Variants in DOP1A observed in about 807,000 individuals in gnomAD.
DOP1A encodes the protein DOP1 leucine zipper like protein A, also known as protein DOP1A.
In DOP1A, 90 loss-of-function variants were observed where a neutral mutation model predicts 267.6. That is an observed-to-expected ratio of 0.34 (90% CI 0.28 to 0.40). The LOEUF is 0.40. Ranked by LOEUF, DOP1A falls within the 10% of genes least tolerant of loss-of-function variation. DOP1A has a pLI of 1.00. For synonymous variants in DOP1A, 932 were observed against 999.1 expected (o/e 0.93, Z 1.27); for missense variants, 2,437 against 2,900.4 (o/e 0.84, Z 3.67).
chr6:83,100,569 G>T (rs1164847011), intron 3 of DOP1A, 136 bp from the exon 4 acceptor site: 3 of 483,964 alleles, frequency 6.2e-6, no homozygotes, highest in Non-Finnish European at 1.1e-5. Context: ...TTTAAATATG[G>T]TATATATAGG....
chr6:83,108,074 G>A (rs1259195936), intron 4 of DOP1A, among the ~76,000 whole-genome samples: 1 of 152,196 alleles, frequency 6.6e-6, no homozygotes, highest in African/African-American at 2.4e-5. Context: ...CTGCTTCTAG[G>A]TAGCTATCTG....
intron 1 of DOP1A, among the ~76,000 whole-genome samples, chr6:83,079,480 A>C (rs1767707391): frequency 6.6e-6 from 1 of 152,202 alleles, no homozygotes; most frequent in Non-Finnish European, 1.5e-5. Context: ...GGAAGTATAG[A>C]AAAATGTTTG....
intron 4 of DOP1A, among the ~76,000 whole-genome samples, chr6:83,105,429 A>AAGG (rs1773442340): frequency 7.1e-6 from 1 of 140,472 alleles, no homozygotes; most frequent in Non-Finnish European, 1.5e-5. Context: ...CAGTGGCACA[A>AAGG]TCTTGGCCCA....
chr6:83,134,024 T>C (rs651997), intron 18 of DOP1A, among the ~76,000 whole-genome samples, 163 bp from the exon 19 acceptor site: 34,273 of 152,052 alleles, frequency 0.23, 3,941 homozygotes, highest in Non-Finnish European at 0.24. Flanking sequence ...TTTCTGTGTT[T>C]CTACTGCCAT....
At position 83,096,959 on chromosome 6, in the gene DOP1A, A is replaced by G; in HGVS notation, c.-19A>G. ...TTACATGAGTTTGGAACTGGTCTCT[A>G]GTGGGAAGTTGTGGGAGGATGAACA... On this transcript the variant is annotated 5_prime_UTR_variant, in exon 3 of 39. An upstream open reading frame in the 5' UTR loses its in-frame stop. Coordinates refer to ENST00000349129, the MANE Select transcript of DOP1A (RefSeq NM_015018.4). 2 of 1,612,786 alleles carry G rather than the reference A, an allele frequency of 1.2e-6. No homozygotes were observed. The highest frequency in any genetic ancestry group is 1.7e-6 in the Non-Finnish European group (2 of 1,179,350).
chr6:83,168,962 A>T, downstream of DOP1A: 1 of 1,188,700 alleles, frequency 8.4e-7, no homozygotes, highest in Non-Finnish European at 1.0e-6. Context: ...CCCCACATAA[A>T]ACTGTACAGT....
intron 1 of DOP1A, among the ~76,000 whole-genome samples, chr6:83,086,455 G>A (rs1170313721): frequency 1.3e-5 from 2 of 152,134 alleles, no homozygotes; most frequent in African/African-American, 4.8e-5. Flanking sequence ...TCTTGGGTAG[G>A]TAGTAGAAGT....
At chr6:83,169,659 C>G (rs1177213853), downstream of DOP1A, 1 of 468,658 alleles carries the variant, frequency 2.1e-6, no homozygotes, top group South Asian at 1.6e-5. Context: ...TTGCCATCTC[C>G]TCATCCATCA....
intron 1 of DOP1A, among the ~76,000 whole-genome samples, chr6:83,074,307 A>C (rs1218309987): frequency 6.6e-6 from 1 of 151,840 alleles, no homozygotes; most frequent in Admixed American, 6.5e-5. Flanking sequence ...TTATTTATTT[A>C]TTGTTATTTA....
chr6:83,082,159 T>C (rs891257262), intron 1 of DOP1A, among the ~76,000 whole-genome samples: 1 of 152,092 alleles, frequency 6.6e-6, no homozygotes, highest in African/African-American at 2.4e-5. Context: ...GATTCTGTAA[T>C]CCCACTACTG....
At chr6:83,161,562 A>G (rs974258294) in intron 37 of DOP1A, among the ~76,000 whole-genome samples, 3 of 152,222 alleles carry the variant, frequency 2.0e-5, no homozygotes, top group South Asian at 4.1e-4. Flanking sequence ...AAATGAGCCA[A>G]TGAGCAAGAC....
chr6:83,084,757 ATTT>A (rs78069437), intron 1 of DOP1A, among the ~76,000 whole-genome samples: 2 of 131,494 alleles, frequency 1.5e-5, no homozygotes, highest in Non-Finnish European at 1.7e-5. Context: ...TAATTTTTGT[ATTT>A]TTTTTTTTTT....
intron 3 of DOP1A, among the ~76,000 whole-genome samples, chr6:83,098,543 C>T (rs1771927313): frequency 6.6e-6 from 1 of 152,170 alleles, no homozygotes; most frequent in South Asian, 2.1e-4. Context: ...TAAAGTTCCA[C>T]AATCCTTTCT....
At chr6:83,152,940 A>G (rs1782012890) in intron 30 of DOP1A, among the ~76,000 whole-genome samples, 1 of 152,242 alleles carries the variant, frequency 6.6e-6, no homozygotes, top group African/African-American at 2.4e-5. Flanking sequence ...GAGGTGATCT[A>G]AAGCCTGCCA....
chr6:83,098,545 A>G (rs1007215831), intron 3 of DOP1A, among the ~76,000 whole-genome samples: 3 of 152,170 alleles, frequency 2.0e-5, no homozygotes, highest in Non-Finnish European at 4.4e-5. Context: ...AAGTTCCACA[A>G]TCCTTTCTTT....
intron 1 of DOP1A, among the ~76,000 whole-genome samples, chr6:83,079,371 G>A (rs112152967): frequency 0.01 from 1,569 of 152,022 alleles, 27 homozygotes; most frequent in African/African-American, 0.036. Context: ...AAAGAAAAAC[G>A]TTAAAATTCC....
intron 24 of DOP1A, 139 bp downstream of exon 24, chr6:83,142,185 G>T: frequency 9.0e-7 from 1 of 1,110,728 alleles, no homozygotes; most frequent in East Asian, 2.7e-5. Flanking sequence ...TAGATAAATT[G>T]TTGCCTTAAT....
At chr6:83,119,923 A>ACCT in intron 9 of DOP1A, 66 bp downstream of exon 9, 1 of 1,340,226 alleles carries the variant, frequency 7.5e-7, no homozygotes. Flanking sequence ...AAAGTGTAAG[A>ACCT]CGAGGTCTTG....
At chr6:83,081,016 A>T (rs1234095276) in intron 1 of DOP1A, among the ~76,000 whole-genome samples, 1 of 152,252 alleles carries the variant, frequency 6.6e-6, no homozygotes, top group African/African-American at 2.4e-5. Flanking sequence ...CTACAAAGCT[A>T]TTGTAACCAA....
Sources: gnomAD v4.1 joint callset for allele counts (sites outside exome capture counted in the v4.1 genomes callset) on GRCh38, gnomAD v4.1.1 for gene constraint, MANE v1.5 for transcripts, NCBI Gene and HGNC (gene_info 2026-07-23, HGNC 2026-07-21) for gene names.